Variants in MTAP observed in about 807,000 individuals in gnomAD.
MTAP encodes the protein S-methyl-5'-thioadenosine phosphorylase.
Under a neutral mutation model 33.6 loss-of-function variants are expected in MTAP, and 33 were observed. The observed-to-expected ratio is 0.98, with a 90% CI of 0.74 to 1.31. The LOEUF (loss-of-function observed/expected upper bound fraction) is 1.31. Among genes scored for constraint, MTAP ranks in the 40% most tolerant of loss-of-function variants. The pLI is 0.00. For synonymous variants in MTAP, 148 were observed against 125.7 expected (o/e 1.18, Z -1.19); for missense variants, 367 against 360.0 (o/e 1.02, Z -0.16).
Position 21,832,358 on chromosome 9 carries a change from T to C in MTAP, c.348-5550T>C, listed in dbSNP as rs145977892. ...ATTTGATCATTCTCTTTCTGCCTCT[T>C]GATGACTAGAAAGCGTTTTATGGTA... On this transcript the variant is annotated intron_variant, in intron 4 of 7. Coordinates refer to ENST00000644715, the MANE Select transcript of MTAP (RefSeq NM_002451.4). 3.9e-5 allele frequency among the ~76,000 whole-genome samples: 6 copies of C among 152,366 alleles called. No homozygotes were observed. In the East Asian group the frequency reaches 1.2e-3, roughly 29 times the overall value.
intron 1 of MTAP, among the ~76,000 whole-genome samples, chr9:21,807,183 C>G (rs977833122): frequency 6.6e-6 from 1 of 152,056 alleles, no homozygotes; most frequent in Admixed American, 6.5e-5. Context: ...ATAATAATAA[C>G]AACAACTTGT....
chr9:21,851,502 A>G lies in MTAP; in HGVS notation c.451-3129A>G, dbSNP rs543949670. Among the ~76,000 whole-genome samples the G allele has an allele frequency of 1.1e-4, 17 of 152,334 alleles. No homozygotes were observed. In the East Asian group the frequency reaches 1.9e-3, roughly 17 times the overall value. The stretch of plus-strand genomic sequence containing the variant: ...TAGTATTTGGGTTGGTGTTTGGTGC[A>G]TTTCCAGTTGCACAAAGGATAGCTG... On this transcript the variant is annotated intron_variant, in intron 5 of 7. Coordinates refer to ENST00000644715, the MANE Select transcript of MTAP (RefSeq NM_002451.4).
At chr9:21,916,737 G>C (rs969942420) in intron 1 of MTAP, among the ~76,000 whole-genome samples, 3 of 152,118 alleles carry the variant, frequency 2.0e-5, no homozygotes, top group East Asian at 1.9e-4. Flanking sequence ...AGATGTACCA[G>C]ATCTAGAAAA....
At chr9:21,815,541 A>T (rs765200943) in intron 2 of MTAP, 22 bp downstream of exon 2, 2 of 1,481,030 alleles carry the variant, frequency 1.4e-6, no homozygotes, top group Non-Finnish European at 1.9e-6. Flanking sequence ...ACTTGTGGAG[A>T]CATGTTTTTT....
chr9:21,866,345 A>G lies in MTAP; in HGVS notation c.*4331A>G. 6.6e-6 allele frequency: 1 copy of G among 152,042 alleles called. No individual in the cohort carries two copies. The highest frequency in any genetic ancestry group is 1.5e-5 in the Non-Finnish European group (1 of 68,000). 9.4% of individuals were successfully genotyped at this position (152,042 alleles called of 1,614,324 possible). On this transcript the variant is annotated 3_prime_UTR_variant, in exon 8 of 8. Coordinates refer to ENST00000644715, the MANE Select transcript of MTAP (RefSeq NM_002451.4). Reference sequence around the variant, plus strand: ...CTTTAGCTTGCCTTTTCATTTTCTTAATTATGTCTTTCAAAGAACAAGTTT... The same window carrying G: ...CTTTAGCTTGCCTTTTCATTTTCTTGATTATGTCTTTCAAAGAACAAGTTT...
At chr9:21,898,611 A>T (rs2118787644) in intron 1 of MTAP, among the ~76,000 whole-genome samples, 1 of 152,370 alleles carries the variant, frequency 6.6e-6, no homozygotes, top group South Asian at 2.1e-4. Flanking sequence ...ACATTTATGC[A>T]GCCAACAGAC....
At chr9:21,831,351 T>G (rs1035356283) in intron 4 of MTAP, among the ~76,000 whole-genome samples, 2 of 152,182 alleles carry the variant, frequency 1.3e-5, no homozygotes, top group African/African-American at 4.8e-5. Context: ...TTTTGTTGTT[T>G]TTTTAGATAG....
At chr9:21,890,594 T>A (rs1818185426) in intron 1 of MTAP, among the ~76,000 whole-genome samples, 1 of 152,204 alleles carries the variant, frequency 6.6e-6, no homozygotes, top group South Asian at 2.1e-4. Context: ...CAGAAATGGC[T>A]TCCCTGGGGA....
chr9:21,854,448 A>G (rs1208149985), intron 5 of MTAP, among the ~76,000 whole-genome samples, 183 bp from the exon 6 acceptor site: 1 of 152,222 alleles, frequency 6.6e-6, no homozygotes, highest in Non-Finnish European at 1.5e-5. Flanking sequence ...TGAATGAGAA[A>G]GGGTCCAGGA....
chr9:21,861,340 T>TACATACATATACACACAC (rs1825748458), intron 7 of MTAP: 1 of 152,290 alleles, frequency 6.6e-6, no homozygotes, highest in Admixed American at 6.5e-5. Context: ...TATACACACA[T>TACATACATATACACACAC]ACATACATAT....
intron 1 of MTAP, chr9:21,811,756 C>G (rs961022586): frequency 3.8e-6 from 2 of 530,706 alleles, no homozygotes; most frequent in Non-Finnish European, 7.7e-6. Flanking sequence ...TGCCCTCGCC[C>G]GTGTACCAGT....
chr9:21,848,467 G>A (rs1439599324), intron 5 of MTAP, among the ~76,000 whole-genome samples: 5 of 152,198 alleles, frequency 3.3e-5, no homozygotes, highest in African/African-American at 9.6e-5. Context: ...TAATGTTGCA[G>A]CTCTGGGAGT....
At chr9:21,911,339 C>A (rs938440282) in intron 1 of MTAP, among the ~76,000 whole-genome samples, 1 of 152,154 alleles carries the variant, frequency 6.6e-6, no homozygotes, top group African/African-American at 2.4e-5. Context: ...CTTCTCAGCA[C>A]CACACTGCAC....
chr9:21,940,246 C>G (rs928181623), downstream of MTAP, among the ~76,000 whole-genome samples: 8 of 152,190 alleles, frequency 5.3e-5, no homozygotes, highest in African/African-American at 1.9e-4. Flanking sequence ...TAATTTGAGA[C>G]TCCTTATTAA....
chr9:21,835,226 A>T (rs775839942), intron 4 of MTAP, among the ~76,000 whole-genome samples: 6 of 152,194 alleles, frequency 3.9e-5, no homozygotes, highest in Non-Finnish European at 8.8e-5. Context: ...AAAAGGCTCC[A>T]TCTCCTAATA....
At chr9:21,811,653 C>G (rs1168006479) in intron 1 of MTAP, 2 of 524,138 alleles carry the variant, frequency 3.8e-6, no homozygotes, top group Non-Finnish European at 7.8e-6. Context: ...CACTCAAACT[C>G]TTCCTCCTCA....
intron 1 of MTAP, chr9:21,811,596 T>G: frequency 2.1e-6 from 1 of 468,376 alleles, no homozygotes; most frequent in East Asian, 5.6e-5. Context: ...ACTTCCACCC[T>G]TTACACAGTA....
intron 4 of MTAP, among the ~76,000 whole-genome samples, chr9:21,828,148 C>G (rs1294169790): frequency 6.6e-6 from 1 of 152,162 alleles, no homozygotes; most frequent in Non-Finnish European, 1.5e-5. Flanking sequence ...TCTATCTTAG[C>G]CAGGTAACCT....
At chr9:21,910,408 C>G (rs372995823) in intron 1 of MTAP, among the ~76,000 whole-genome samples, 2 of 151,768 alleles carry the variant, frequency 1.3e-5, no homozygotes, top group African/African-American at 4.8e-5. Flanking sequence ...ATCAGAGAAG[C>G]AAGCAACATT....
Sources: allele counts gnomAD v4.1 joint callset (sites outside exome capture counted in the v4.1 genomes callset), GRCh38; gene constraint gnomAD v4.1.1; transcripts MANE v1.5; gene names NCBI Gene and HGNC (gene_info 2026-07-23, HGNC 2026-07-21).